TCF20: variants seen among roughly 807,000 people sequenced by gnomAD.
TCF20 encodes transcription factor 20.
A neutral mutation model predicts 148.6 loss-of-function variants in TCF20; 3 were observed. That is an observed-to-expected ratio of 0.02 (90% CI 0.01 to 0.05). The LOEUF (loss-of-function observed/expected upper bound fraction) is 0.05. TCF20 is among the 10% of genes least tolerant of loss of function. The pLI, the probability that TCF20 is intolerant of heterozygous loss-of-function variation, is 1.00. For synonymous variants in TCF20, 1,049 were observed against 909.5 expected, an observed-to-expected ratio of 1.15 and a Z score of -2.76; for missense variants, 2,350 against 2,429.3, an observed-to-expected ratio of 0.97 and a Z score of 0.69.
chr22:42,161,459 C>T (rs1215887076), intron 5 of TCF20, 101 bp from the exon 6 acceptor site: 1 of 1,490,550 alleles, frequency 6.7e-7, no homozygotes, highest in Non-Finnish European at 9.3e-7. Flanking sequence ...CAGCAGGGAG[C>T]CTGCACTCAC....
At chr22:42,295,493 G>A (rs1927218358) in intron 1 of TCF20, among the ~76,000 whole-genome samples, 1 of 150,204 alleles carries the variant, frequency 6.7e-6, no homozygotes, top group African/African-American at 2.5e-5. Context: ...GCCCGGGCTG[G>A]AGTGCAATGG....
chr22:42,276,648 C>G (rs1012769135), intron 1 of TCF20: 19 of 152,168 alleles, frequency 1.2e-4, no homozygotes, highest in African/African-American at 4.6e-4. Context: ...TAGGAGAAGC[C>G]AAGAAACGCA....
At chr22:42,170,185 A>G (rs979319493) in intron 3 of TCF20, among the ~76,000 whole-genome samples, 1 of 152,112 alleles carries the variant, frequency 6.6e-6, no homozygotes, top group African/African-American at 2.4e-5. Flanking sequence ...TAATTTTATT[A>G]AAATGTTTCT....
intron 1 of TCF20, among the ~76,000 whole-genome samples, chr22:42,320,895 A>G (rs773465530): frequency 6.6e-6 from 1 of 152,222 alleles, no homozygotes; most frequent in Non-Finnish European, 1.5e-5. Flanking sequence ...GGGCCCCCAG[A>G]TCAGCAACCA....
At chr22:42,167,306 A>G (rs936367321) in intron 5 of TCF20, among the ~76,000 whole-genome samples, 4 of 152,150 alleles carry the variant, frequency 2.6e-5, no homozygotes, top group Non-Finnish European at 5.9e-5. Context: ...CTTCTCCGGA[A>G]ATTAGTAGTG....
At chr22:42,273,341 CAA>C (rs1189018941), upstream of TCF20, among the ~76,000 whole-genome samples, 7 of 87,016 alleles carry the variant, frequency 8.0e-5, no homozygotes, top group Admixed American at 3.9e-4. Flanking sequence ...GCCTGGGCGA[CAA>C]GAGCAAAACT....
intron 1 of TCF20, among the ~76,000 whole-genome samples, chr22:42,323,825 C>T (rs1241158439): frequency 7.8e-6 from 1 of 127,522 alleles, no homozygotes; most frequent in Non-Finnish European, 1.8e-5. Context: ...TGAGCTGTTG[C>T]GGTGGTCGCG....
At chr22:42,256,652 A>G (rs1011084362) in intron 1 of TCF20, among the ~76,000 whole-genome samples, 2 of 151,644 alleles carry the variant, frequency 1.3e-5, no homozygotes, top group African/African-American at 4.8e-5. Context: ...TACTAGAAAA[A>G]CAAAAAACAA....
chr22:42,334,542 G>A (rs76319951), intron 1 of TCF20, among the ~76,000 whole-genome samples: 60 of 152,352 alleles, frequency 3.9e-4, no homozygotes, highest in African/African-American at 1.4e-3. Flanking sequence ...GGCAGAGCAG[G>A]GAACAGGCTA....
At chr22:42,186,297 T>C (rs1195749559) in intron 2 of TCF20, among the ~76,000 whole-genome samples, 1 of 152,220 alleles carries the variant, frequency 6.6e-6, no homozygotes, top group Non-Finnish European at 1.5e-5. Context: ...ACCAGGTCAA[T>C]TTTATCATCT....
intron 1 of TCF20, among the ~76,000 whole-genome samples, chr22:42,226,624 G>T (rs992417752): frequency 2.0e-5 from 3 of 152,190 alleles, no homozygotes; most frequent in Admixed American, 6.5e-5. Context: ...AGAATCGCTT[G>T]AACACAGGAG....
chr22:42,288,537 GAAAAAA>G (rs397867980), upstream of TCF20, among the ~76,000 whole-genome samples: 1 of 73,452 alleles, frequency 1.4e-5, no homozygotes. Context: ...TCCATCTCAG[GAAAAAA>G]AAAAAAAAAA....
chr22:42,174,936 G>A (rs1936356598), intron 3 of TCF20, among the ~76,000 whole-genome samples: 1 of 151,936 alleles, frequency 6.6e-6, no homozygotes, highest in African/African-American at 2.4e-5. Context: ...TGGGGCGGCT[G>A]AGGCAGGAGA....
chr22:42,227,806 A>G lies in TCF20; in HGVS notation c.-36-12465T>C, dbSNP rs137957903. On this transcript the variant is annotated intron_variant, in intron 1 of 5. Transcript: ENST00000677622. ...CTTCCTTAGCGGCAATACCAGACAC[A>G]TGGTGCTGTATTCTTCCCAGGACAT... is the stretch of plus-strand genomic sequence containing the variant. 1.1e-4 allele frequency among the ~76,000 whole-genome samples: 17 copies of G among 152,278 alleles called. No individual in the cohort carries two copies. In the East Asian group the frequency reaches 2.9e-3, roughly 26 times the overall value.
intron 2 of TCF20, among the ~76,000 whole-genome samples, chr22:42,205,752 A>G (rs1938342166): frequency 2.0e-5 from 3 of 152,278 alleles, no homozygotes; most frequent in Admixed American, 1.3e-4. Flanking sequence ...CATCAGCTCA[A>G]AGAGACAACA....
At chr22:42,193,257 C>A (rs1446377408) in intron 2 of TCF20, among the ~76,000 whole-genome samples, 1 of 149,120 alleles carries the variant, frequency 6.7e-6, no homozygotes, top group South Asian at 2.1e-4. Context: ...CTGCATAATT[C>A]CTCAATACAT....
chr22:42,293,826 AC>A (rs1308201307), intron 1 of TCF20, among the ~76,000 whole-genome samples: 10 of 152,150 alleles, frequency 6.6e-5, no homozygotes, highest in African/African-American at 2.2e-4. Context: ...ATGGTGAAAC[AC>A]CGTCTCTACT....
intron 2 of TCF20, among the ~76,000 whole-genome samples, chr22:42,196,440 A>G (rs535024603): frequency 6.6e-6 from 1 of 152,352 alleles, no homozygotes; most frequent in South Asian, 2.1e-4. Flanking sequence ...AAGCATTAGT[A>G]TATTTTTATT....
chr22:42,315,435 T>A (rs116830624), intron 1 of TCF20, among the ~76,000 whole-genome samples: 113 of 151,656 alleles, frequency 7.5e-4, no homozygotes, highest in African/African-American at 2.7e-3. Context: ...GCACACAGGG[T>A]AAGAGAGGAA....
Sources: gnomAD v4.1 joint callset for allele counts (sites outside exome capture counted in the v4.1 genomes callset) on GRCh38, gnomAD v4.1.1 for gene constraint, MANE v1.5 for transcripts, NCBI Gene and HGNC (gene_info 2026-07-23, HGNC 2026-07-21) for gene names.